EPB41L4A: variants seen among roughly 807,000 people sequenced by gnomAD.
EPB41L4A encodes band 4.1-like protein 4A.
EPB41L4A carries 100 observed loss-of-function variants against 108.6 expected under a neutral mutation model. The ratio of observed to expected loss-of-function variants is 0.92; its 90% CI spans 0.78 to 1.09. The LOEUF is 1.09. Ranked by LOEUF, EPB41L4A falls within the 50% of genes least tolerant of loss-of-function variation. The pLI, the probability that EPB41L4A is intolerant of heterozygous loss-of-function variation, is 0.00. For missense variants in EPB41L4A, 1,030 were observed against 842.7 expected (o/e 1.22, Z -2.75); for synonymous variants, 319 against 289.0 (o/e 1.10, Z -1.05).
rs1255116501 is a variant in EPB41L4A, at chr5:112,389,869, T to G, written c.99+29072A>C. ...AGAATTAGGAGATGTTACCACCACC[T>G]CTTTACAAAAGAGGAGCCTGAAGGA... is the stretch of plus-strand genomic sequence containing the variant. On this transcript the variant is annotated intron_variant, in intron 1 of 22. Transcript: ENST00000261486. Among the ~76,000 whole-genome samples, 3 of 152,122 alleles carry G rather than the reference T, an allele frequency of 2.0e-5. No individual in the cohort carries two copies. The East Asian group carries it at 5.8e-4, about 29-fold the overall frequency.
At chr5:112,270,413 G>C (rs1479024778) in intron 4 of EPB41L4A, among the ~76,000 whole-genome samples, 1 of 152,080 alleles carries the variant, frequency 6.6e-6, no homozygotes, top group East Asian at 1.9e-4. Context: ...AACCAGTCTT[G>C]ATAAAACTTA....
intron 7 of EPB41L4A, 92 bp downstream of exon 7, chr5:112,262,402 C>G (rs900415493): frequency 9.9e-7 from 1 of 1,008,708 alleles, no homozygotes; most frequent in Non-Finnish European, 1.5e-6. Flanking sequence ...TGCTAAACAA[C>G]AGGACTGCAG....
intron 2 of EPB41L4A, among the ~76,000 whole-genome samples, chr5:112,300,789 G>T (rs556952502): frequency 6.6e-6 from 1 of 152,072 alleles, no homozygotes; most frequent in African/African-American, 2.4e-5. Context: ...ATTATTCTTA[G>T]ATTTGGTCAC....
At chr5:112,371,633 G>A (rs918042823) in intron 1 of EPB41L4A, among the ~76,000 whole-genome samples, 8 of 152,026 alleles carry the variant, frequency 5.3e-5, no homozygotes, top group Non-Finnish European at 1.2e-4. Context: ...TGTCCAAAGT[G>A]GCAAGACTGT....
intron 21 of EPB41L4A, 27 bp from the exon 22 acceptor site, chr5:112,168,847 T>C: frequency 1.3e-6 from 2 of 1,579,460 alleles, no homozygotes; most frequent in Non-Finnish European, 1.7e-6. Flanking sequence ...TTAGAATTAG[T>C]GACTGGAACA....
chr5:112,327,434 G>A (rs974393305), intron 1 of EPB41L4A, among the ~76,000 whole-genome samples: 3 of 152,150 alleles, frequency 2.0e-5, no homozygotes, highest in African/African-American at 7.2e-5. Context: ...TTGCAACTTA[G>A]ACTGGGTGCA....
At chr5:112,261,592 T>C (rs1751486698) in intron 7 of EPB41L4A, among the ~76,000 whole-genome samples, 1 of 151,476 alleles carries the variant, frequency 6.6e-6, no homozygotes, top group Non-Finnish European at 1.5e-5. Flanking sequence ...GCTCAAAGGT[T>C]AAAACCCGGA....
At chr5:112,334,675 C>T (rs1580706824) in intron 1 of EPB41L4A, among the ~76,000 whole-genome samples, 1 of 152,144 alleles carries the variant, frequency 6.6e-6, no homozygotes, top group African/African-American at 2.4e-5. Flanking sequence ...GTATACCTTA[C>T]ATGTATTAAT....
intron 18 of EPB41L4A, among the ~76,000 whole-genome samples, chr5:112,179,993 T>G (rs1761063925): frequency 6.6e-6 from 1 of 152,184 alleles, no homozygotes; most frequent in Non-Finnish European, 1.5e-5. Flanking sequence ...AGCATCAGTA[T>G]TTTTAAAAAT....
intron 12 of EPB41L4A, chr5:112,228,799 C>G (rs1748658565): frequency 1.0e-6 from 1 of 955,518 alleles, no homozygotes. Context: ...CCAAGCTCCT[C>G]TGAGGCAGTT....
chr5:112,293,173 C>T (rs931362912), intron 2 of EPB41L4A, among the ~76,000 whole-genome samples: 4 of 151,762 alleles, frequency 2.6e-5, no homozygotes, highest in Non-Finnish European at 5.9e-5. Context: ...TTATTAAGTA[C>T]TTTGTACCTT....
chr5:112,144,122 C>A (rs916225231), intron 13 of EPB41L4A, among the ~76,000 whole-genome samples: 1 of 152,118 alleles, frequency 6.6e-6, no homozygotes, highest in African/African-American at 2.4e-5. Flanking sequence ...TTATTTTAAC[C>A]ACCCTGATAT....
At chr5:112,253,017 G>T (rs768246126) in intron 9 of EPB41L4A, among the ~76,000 whole-genome samples, 1 of 152,280 alleles carries the variant, frequency 6.6e-6, no homozygotes, top group Non-Finnish European at 1.5e-5. Flanking sequence ...AAAAATCAGC[G>T]TTTTGCAACC....
At chr5:112,386,626 C>A in intron 1 of EPB41L4A, among the ~76,000 whole-genome samples, 1 of 152,128 alleles carries the variant, frequency 6.6e-6, no homozygotes, top group Non-Finnish European at 1.5e-5. Context: ...AACTTCAGGA[C>A]AGACTATAGA....
chr5:112,178,356 T>C (rs987489546), intron 18 of EPB41L4A, among the ~76,000 whole-genome samples: 1 of 152,122 alleles, frequency 6.6e-6, no homozygotes, highest in Admixed American at 6.5e-5. Flanking sequence ...TGACAATCAC[T>C]GTTGTAGATT....
chr5:112,414,999 C>T (rs777456199), intron 1 of EPB41L4A, among the ~76,000 whole-genome samples: 2 of 152,156 alleles, frequency 1.3e-5, no homozygotes, highest in Non-Finnish European at 2.9e-5. Context: ...CCTTAAGTAG[C>T]TGATACCAAA....
intron 1 of EPB41L4A, among the ~76,000 whole-genome samples, chr5:112,328,657 T>A (rs1485249507): frequency 1.3e-5 from 2 of 152,210 alleles, no homozygotes; most frequent in Non-Finnish European, 2.9e-5. Flanking sequence ...CTGTAAGTAA[T>A]CAATACGCAC....
intron 1 of EPB41L4A, among the ~76,000 whole-genome samples, chr5:112,405,640 G>T (rs528663376): frequency 6.6e-6 from 1 of 152,120 alleles, no homozygotes; most frequent in African/African-American, 2.4e-5. Flanking sequence ...TTTAGATCTT[G>T]AAACAGAGCC....
At chr5:112,155,265 A>C (rs896745391) in intron 12 of EPB41L4A, among the ~76,000 whole-genome samples, 3 of 152,128 alleles carry the variant, frequency 2.0e-5, no homozygotes, top group Non-Finnish European at 4.4e-5. Flanking sequence ...GGACCACAAC[A>C]TCACAAAACA....
Sources: allele counts gnomAD v4.1 joint callset (sites outside exome capture counted in the v4.1 genomes callset), GRCh38; gene constraint gnomAD v4.1.1; transcripts MANE v1.5; gene names NCBI Gene and HGNC (gene_info 2026-07-23, HGNC 2026-07-21).